The following SPEF2 variants were observed in gnomAD, a reference collection of about 807,000 sequenced individuals.
The protein encoded by SPEF2 is sperm flagellar and cilia associated 2, also known as sperm flagella and cilia-associated protein 2.
Under a neutral mutation model 224.6 loss-of-function variants are expected in SPEF2, and 187 were observed. The ratio of observed to expected loss-of-function variants is 0.83; its 90% confidence interval spans 0.74 to 0.94. The LOEUF is 0.94. Ranked by LOEUF, SPEF2 falls within the 40% of genes least tolerant of loss-of-function variation. The pLI is 0.00. For synonymous variants in SPEF2, 715 were observed against 707.3 expected, an observed-to-expected ratio of 1.01 and a Z score of -0.17; for missense variants, 2,170 against 2,135.6, an observed-to-expected ratio of 1.02 and a Z score of -0.32.
chr5:35,724,654 G>A (rs1012322443), intron 20 of SPEF2, among the ~76,000 whole-genome samples: 5 of 152,124 alleles, frequency 3.3e-5, no homozygotes, highest in Non-Finnish European at 5.9e-5. Context: ...GTTACCTCTG[G>A]CAAGTTACTG....
At chr5:35,622,501 G>T (rs1394710718) in intron 1 of SPEF2, among the ~76,000 whole-genome samples, 2 of 152,136 alleles carry the variant, frequency 1.3e-5, no homozygotes, top group African/African-American at 4.8e-5. Flanking sequence ...TAGCAGATGA[G>T]GAAATCTAAT....
chr5:35,649,231 T>G (rs1452773344), intron 5 of SPEF2, 130 bp from the exon 6 acceptor site: 1 of 711,640 alleles, frequency 1.4e-6, no homozygotes, highest in African/African-American at 1.8e-5. Flanking sequence ...ATTTTTAGAA[T>G]GCAGCTTTTC....
chr5:35,644,676 C>T, intron 4 of SPEF2, 151 bp downstream of exon 4: 1 of 501,506 alleles, frequency 2.0e-6, no homozygotes, highest in Non-Finnish European at 3.3e-6. Context: ...CACCCTTTCT[C>T]TCTCTCCCCT....
intron 23 of SPEF2, among the ~76,000 whole-genome samples, chr5:35,749,866 A>T (rs1472823401): frequency 6.6e-6 from 1 of 152,210 alleles, no homozygotes; most frequent in East Asian, 1.9e-4. Context: ...TAAAATTCAT[A>T]TGGAACCGCA....
chr5:35,697,347 A>G (rs1032491901), intron 14 of SPEF2, among the ~76,000 whole-genome samples: 19 of 152,180 alleles, frequency 1.2e-4, no homozygotes, highest in Non-Finnish European at 2.9e-5. Flanking sequence ...CCATGTTTAT[A>G]TGGGTTTTCC....
At chr5:35,670,918 T>A in intron 10 of SPEF2, 1 of 985,390 alleles carries the variant, frequency 1.0e-6, no homozygotes, top group South Asian at 4.7e-5. Flanking sequence ...CTTAGCTGAG[T>A]GCACTTCATG....
intron 35 of SPEF2, 42 bp from the exon 36 acceptor site, chr5:35,807,089 G>C: frequency 6.3e-7 from 1 of 1,592,316 alleles, no homozygotes; most frequent in Non-Finnish European, 8.5e-7. Flanking sequence ...ACATCTACTG[G>C]ATTGTGAGGT....
intron 30 of SPEF2, 27 bp from the exon 31 acceptor site, chr5:35,792,313 G>A (rs1358121740): frequency 6.3e-7 from 1 of 1,578,392 alleles, no homozygotes; most frequent in Non-Finnish European, 8.6e-7. Flanking sequence ...TAAACCAAGT[G>A]ACAAAATATT....
At chr5:35,716,724 G>A (rs1742652725) in intron 20 of SPEF2, among the ~76,000 whole-genome samples, 1 of 152,042 alleles carries the variant, frequency 6.6e-6, no homozygotes, top group South Asian at 2.1e-4. Context: ...TCCTTCATGT[G>A]AAAGAAATGA....
intron 23 of SPEF2, among the ~76,000 whole-genome samples, chr5:35,747,330 C>A (rs1748698311): frequency 6.6e-6 from 1 of 152,140 alleles, no homozygotes. Flanking sequence ...GCAATGGTAC[C>A]TCACATTTCA....
intron 21 of SPEF2, among the ~76,000 whole-genome samples, chr5:35,733,936 T>C (rs1452858929): frequency 6.6e-6 from 1 of 152,198 alleles, no homozygotes; most frequent in Non-Finnish European, 1.5e-5. Flanking sequence ...ACATATCTTT[T>C]AAGTTGTTGT....
chr5:35,717,072 A>G (rs1288456442), intron 20 of SPEF2, among the ~76,000 whole-genome samples: 1 of 152,236 alleles, frequency 6.6e-6, no homozygotes, highest in Non-Finnish European at 1.5e-5. Flanking sequence ...ATGGCTTTTC[A>G]AACATATAGC....
At chr5:35,715,628 A>G (rs1331472520) in intron 20 of SPEF2, among the ~76,000 whole-genome samples, 1 of 151,998 alleles carries the variant, frequency 6.6e-6, no homozygotes, top group African/African-American at 2.4e-5. Flanking sequence ...TTGGCTGACT[A>G]GAAGTTCAGA....
chr5:35,779,124 A>G lies in SPEF2; in HGVS notation c.4225A>G (p.Lys1409Glu). The G allele has an allele frequency of 6.2e-7, 1 of 1,611,880 alleles. No individual in the cohort carries two copies. Among genetic ancestry groups the G allele is most frequent in the Non-Finnish European group, 8.5e-7 (1 of 1,178,986 alleles). ...CCATTTTACCACTTTCAGTACAGAAAAATTAACTGACGTAGCTCGCTATCA... is the reference window on the plus strand; with the variant it reads ...CCATTTTACCACTTTCAGTACAGAAGAATTAACTGACGTAGCTCGCTATCA... Reference protein sequence around the residue: ...RYLNEMASTEKLTDVARYHIE... With the variant: ...RYLNEMASTEELTDVARYHIE... The change falls in exon 30 of 37, where the codon AAA (lysine) becomes GAA (glutamate). Residue 1409 changes from lysine (K) to glutamate (E), a missense_variant. Physicochemically the swap from Lys to Glu is moderately conservative, Grantham distance 56. Transcript: ENST00000356031.
intron 10 of SPEF2, among the ~76,000 whole-genome samples, chr5:35,688,036 A>G (rs771044220): frequency 1.5e-4 from 23 of 152,196 alleles, no homozygotes; most frequent in Non-Finnish European, 2.6e-4. Context: ...GGGTGGTTCA[A>G]AGAATCCATA....
At chr5:35,796,336 G>A (rs866170630) in intron 33 of SPEF2, among the ~76,000 whole-genome samples, 3 of 152,100 alleles carry the variant, frequency 2.0e-5, no homozygotes, top group African/African-American at 4.8e-5. Context: ...GGCCGGGCGC[G>A]GTGGCTCACG....
chr5:35,726,146 T>C (rs7443130), intron 20 of SPEF2, among the ~76,000 whole-genome samples: 133,442 of 152,236 alleles, frequency 0.88, 58,550 homozygotes, highest in South Asian at 0.96. Flanking sequence ...TGCCCTTCAG[T>C]ATTTTCATTG....
chr5:35,763,501 T>A, intron 25 of SPEF2, 21 bp from the exon 26 acceptor site: 1 of 1,527,968 alleles, frequency 6.5e-7, no homozygotes, highest in Non-Finnish European at 8.8e-7. Context: ...TTTATCCTTT[T>A]TGCTTGTTTG....
intron 23 of SPEF2, among the ~76,000 whole-genome samples, chr5:35,749,688 T>A (rs964120756): frequency 3.3e-5 from 5 of 151,896 alleles, no homozygotes; most frequent in African/African-American, 9.7e-5. Flanking sequence ...AAAACACTGC[T>A]GAAAAAAATC....
Sources: allele counts gnomAD v4.1 joint callset (sites outside exome capture counted in the v4.1 genomes callset), GRCh38; gene constraint gnomAD v4.1.1; transcripts MANE v1.5; gene names NCBI Gene and HGNC (gene_info 2026-07-23, HGNC 2026-07-21).